NSMAF: variants seen among roughly 807,000 people sequenced by gnomAD.
The protein encoded by NSMAF is neutral sphingomyelinase activation associated factor.
Under a neutral mutation model 134.9 loss-of-function variants are expected in NSMAF, and 90 were observed. The ratio of observed to expected loss-of-function variants is 0.67; its 90% CI spans 0.56 to 0.79. The LOEUF (loss-of-function observed/expected upper bound fraction) is 0.79. NSMAF is among the 30% of genes least tolerant of loss of function. The pLI is 0.00. For missense variants in NSMAF, 1,010 were observed against 1,119.0 expected, an observed-to-expected ratio of 0.90 and a Z score of 1.39; for synonymous variants, 358 against 389.6, an observed-to-expected ratio of 0.92 and a Z score of 0.96.
intron 9 of NSMAF, among the ~76,000 whole-genome samples, chr8:58,619,144 C>T (rs1024088557): frequency 6.6e-6 from 1 of 152,054 alleles, no homozygotes; most frequent in Non-Finnish European, 1.5e-5. Flanking sequence ...ATTCACTTAC[C>T]TAATATATCC....
intron 9 of NSMAF, among the ~76,000 whole-genome samples, chr8:58,620,531 T>G (rs189805858): frequency 2.0e-4 from 31 of 152,350 alleles, no homozygotes; most frequent in Admixed American, 1.9e-3. Context: ...ATTTATATTT[T>G]TAATGGCCTT....
Position 58,659,589 on chromosome 8 carries a change from G to T in NSMAF, c.43C>A (p.Leu15Ile). Residue 15 changes from leucine to isoleucine, a missense_variant, in exon 1 of 31, where the codon CTC becomes ATC. By Grantham distance (5) the Leu-to-Ile change is conservative. Coordinates refer to ENST00000038176, the MANE Select transcript of NSMAF (RefSeq NM_003580.4). ...GGCGCGCACCTCTCCTTGGAGTAGAGCTGCAGCTGCTGCTCCTGCTGCTTC... is the reference window on the plus strand; with the variant it reads ...GGCGCGCACCTCTCCTTGGAGTAGATCTGCAGCTGCTGCTCCTGCTGCTTC... ...RKKQQEQQLQ[L>I]YSKERFSLLL... 6.7e-7 allele frequency: 1 copy of T among 1,503,288 alleles called. No individual in the cohort carries two copies. Among genetic ancestry groups the T allele is most frequent in the East Asian group, 2.8e-5 (1 of 35,750 alleles). The allele number at this position is 1,503,288 out of a possible 1,614,324, so 93.1% of individuals were successfully genotyped here. A position where few individuals can be genotyped will look rare whatever the true frequency, so the allele number is the denominator to read the frequency against.
intron 1 of NSMAF, among the ~76,000 whole-genome samples, chr8:58,654,342 G>T (rs545755621): frequency 4.5e-4 from 68 of 152,170 alleles, no homozygotes; most frequent in Non-Finnish European, 8.1e-4. Context: ...CCTGAGATCG[G>T]GAGTTCGAGA....
chr8:58,637,693 A>T (rs375498470), intron 2 of NSMAF, among the ~76,000 whole-genome samples: 1 of 152,236 alleles, frequency 6.6e-6, no homozygotes, highest in East Asian at 1.9e-4. Flanking sequence ...TTGCATTTCT[A>T]TATGCTAACA....
chr8:58,587,575 C>T, intron 27 of NSMAF, 43 bp downstream of exon 27: 2 of 1,568,158 alleles, frequency 1.3e-6, no homozygotes, highest in Non-Finnish European at 1.8e-6. Flanking sequence ...AACCCCTAGA[C>T]TTTTAAGGTC....
At chr8:58,625,807 C>T (rs1806916300) in intron 6 of NSMAF, among the ~76,000 whole-genome samples, 1 of 152,142 alleles carries the variant, frequency 6.6e-6, no homozygotes, top group Non-Finnish European at 1.5e-5. Flanking sequence ...TTACTGTTGC[C>T]ATTTTAACTG....
chr8:58,585,117 A>G (rs1258030090), intron 30 of NSMAF, among the ~76,000 whole-genome samples: 2 of 152,204 alleles, frequency 1.3e-5, no homozygotes, highest in African/African-American at 4.8e-5. Context: ...CAATCTAGTG[A>G]ATCTCCAAGA....
At chr8:58,637,462 A>T (rs1378935626) in intron 2 of NSMAF, 9 of 454,774 alleles carry the variant, frequency 2.0e-5, no homozygotes, top group Admixed American at 1.2e-4. Context: ...CACTCTTACC[A>T]CTACTATTCA....
At chr8:58,585,317 G>GTTATTTTTTTT (rs1554572269) in intron 30 of NSMAF, among the ~76,000 whole-genome samples, 4 of 144,330 alleles carry the variant, frequency 2.8e-5, no homozygotes, top group African/African-American at 7.7e-5. Flanking sequence ...TTGTTTCTGG[G>GTTATTTTTTTT]TTTTTTTTTT....
chr8:58,592,194 C>CA (rs995605194), intron 23 of NSMAF, among the ~76,000 whole-genome samples: 29 of 151,836 alleles, frequency 1.9e-4, no homozygotes, highest in South Asian at 1.0e-3. Context: ...AGACATCCTA[C>CA]AAAAAAAACC....
chr8:58,599,087 C>A, intron 19 of NSMAF, 145 bp downstream of exon 19: 1 of 791,860 alleles, frequency 1.3e-6, no homozygotes, highest in Admixed American at 2.5e-5. Flanking sequence ...TGGAGTCTGA[C>A]AGAACATGCT....
chr8:58,640,125 T>C (rs1322964064), intron 2 of NSMAF: 6 of 455,400 alleles, frequency 1.3e-5, no homozygotes, highest in African/African-American at 1.0e-4. Flanking sequence ...TGTAGAGTTA[T>C]TGACTACAGT....
chr8:58,657,151 C>T (rs1309227706), intron 1 of NSMAF, among the ~76,000 whole-genome samples: 1 of 152,228 alleles, frequency 6.6e-6, no homozygotes, highest in Admixed American at 6.5e-5. Context: ...TCTGCCACCA[C>T]CTTGGTTTAA....
rs1211486649 is a variant in NSMAF at position 58,609,685 on chromosome 8, C to T, written c.606G>A (p.Met202Ile). 1.2e-6 allele frequency: 2 copies of T among 1,614,160 alleles called. No individual in the cohort carries two copies. Among genetic ancestry groups the T allele is most frequent in the Non-Finnish European group, 1.7e-6 (2 of 1,180,006 alleles). Reference protein sequence around the residue: ...EKLHMECKAEMVTPLVTNPGH... With the variant: ...EKLHMECKAEIVTPLVTNPGH... ...CAGGATTAGTCACCAGAGGCGTCAC[C>T]ATTTCTGCTTTGCATTCCATGTGCA... The change falls in exon 10 of 31, where the codon ATG (methionine) becomes ATA (isoleucine). Residue 202 changes from methionine (M) to isoleucine (I), a missense_variant. Physicochemically the swap from Met to Ile is conservative, Grantham distance 10 (BLOSUM62 1). Transcript: ENST00000038176.
intron 1 of NSMAF, among the ~76,000 whole-genome samples, chr8:58,645,491 C>A (rs915837625): frequency 6.6e-6 from 1 of 152,158 alleles, no homozygotes; most frequent in South Asian, 2.1e-4. Context: ...GTCTCTACAA[C>A]ATCATCCCAC....
chr8:58,596,882 G>A (rs1282393035), intron 21 of NSMAF, among the ~76,000 whole-genome samples: 1 of 149,610 alleles, frequency 6.7e-6, no homozygotes, highest in East Asian at 2.0e-4. Flanking sequence ...AGTGAGCCGA[G>A]ATGGCGCCAC....
At chr8:58,589,107 G>C (rs921267407) in intron 26 of NSMAF, among the ~76,000 whole-genome samples, 1 of 149,392 alleles carries the variant, frequency 6.7e-6, no homozygotes, top group Non-Finnish European at 1.5e-5. Context: ...TATGTGATAC[G>C]TAAGGATATT....
At chr8:58,637,275 T>C in intron 2 of NSMAF, 1 of 454,912 alleles carries the variant, frequency 2.2e-6, no homozygotes, top group South Asian at 1.6e-5. Context: ...CTCACAGATT[T>C]CCTGCCTCTG....
intron 2 of NSMAF, among the ~76,000 whole-genome samples, chr8:58,641,726 A>G (rs773809311): frequency 6.6e-6 from 1 of 152,192 alleles, no homozygotes; most frequent in Non-Finnish European, 1.5e-5. Context: ...GTCCATTTAT[A>G]TAACTGCCAG....
Sources: gnomAD v4.1 joint callset for allele counts (sites outside exome capture counted in the v4.1 genomes callset) on GRCh38, gnomAD v4.1.1 for gene constraint, MANE v1.5 for transcripts, NCBI Gene and HGNC (gene_info 2026-07-23, HGNC 2026-07-21) for gene names.